Variants in BPIFB3 observed in about 807,000 individuals in gnomAD.
The protein encoded by BPIFB3 is BPI fold containing family B member 3.
A neutral mutation model predicts 53.1 loss-of-function variants in BPIFB3; 49 were observed. The observed-to-expected ratio is 0.92, with a 90% CI of 0.73 to 1.17. The LOEUF is 1.17. Ranked by LOEUF, BPIFB3 falls within the 50% of genes most tolerant of loss-of-function variation. The pLI, the probability that BPIFB3 is intolerant of heterozygous loss-of-function variation, is 0.00. For missense variants in BPIFB3, 628 were observed against 592.5 expected, an observed-to-expected ratio of 1.06 and a Z score of -0.62; for synonymous variants, 271 against 269.6, an observed-to-expected ratio of 1.01 and a Z score of -0.05.
intron 5 of BPIFB3, among the ~76,000 whole-genome samples, 178 bp downstream of exon 6, chr20:33,062,009 G>T (rs1980481075): frequency 6.6e-6 from 1 of 151,966 alleles, no homozygotes; most frequent in African/African-American, 2.4e-5. Context: ...CTAGTCTGGG[G>T]GTGGATGACA....
chr20:33,071,145 C>A, intron 11 of BPIFB3, 108 bp from the exon 13 acceptor site: 1 of 1,083,352 alleles, frequency 9.2e-7, no homozygotes, highest in Non-Finnish European at 1.3e-6. Context: ...GAGTGTTGGG[C>A]TGGTAATCCT....
chr20:33,056,839 C>T, intron 2 of BPIFB3, 141 bp downstream of exon 3: 1 of 1,060,570 alleles, frequency 9.4e-7, no homozygotes, highest in Non-Finnish European at 1.3e-6. Flanking sequence ...AAAATGATGA[C>T]TCTACTGCAT....
At position 33,065,601 on chromosome 20, in the gene BPIFB3, A is replaced by G. The variant is rs112523980; in HGVS notation, c.924+756A>G. Reference sequence around the variant, plus strand: ...AGAAAAGAAGGAAGGAAGGAAGGAAAGAAGGAAGGAAGGAAGGAAGGAAGA... The same window carrying G: ...AGAAAAGAAGGAAGGAAGGAAGGAAGGAAGGAAGGAAGGAAGGAAGGAAGA... On this transcript the variant is annotated intron_variant, in intron 8 of 14. Transcript: ENST00000375494. Among the ~76,000 whole-genome samples, 529 of 151,206 alleles carry G rather than the reference A, an allele frequency of 3.5e-3. 2 individuals carry two copies. The highest frequency in any genetic ancestry group is 0.011 in the African/African-American group (470 of 41,070).
At chr20:33,073,686 C>G, downstream of BPIFB3, 1 of 1,533,900 alleles carries the variant, frequency 6.5e-7, no homozygotes, top group South Asian at 1.2e-5. Context: ...CTCCCAGTCT[C>G]TAGCTGATGT....
Position 33,072,161 on chromosome 20 carries a change from CT to C in BPIFB3, c.1320del (p.Asn441ThrfsTer26). Reference sequence around the variant, plus strand: ...GGTCGGGGCAGTGTATGCACCAAAGCTTAACGGTATGGCAGGTTTTGCTCTC... The same window carrying C: ...GGTCGGGGCAGTGTATGCACCAAAGCTAACGGTATGGCAGGTTTTGCTCTC... On this transcript the variant is annotated frameshift_variant, in exon 13 of 15. Transcript: ENST00000375494. LOFTEE classifies it high-confidence loss of function. 6.2e-7 allele frequency: 1 copy of C among 1,614,180 alleles called. No individual in the cohort carries two copies. Among genetic ancestry groups the C allele is most frequent in the Non-Finnish European group, 8.5e-7 (1 of 1,180,040 alleles).
intron 2 of BPIFB3, among the ~76,000 whole-genome samples, chr20:33,058,754 G>C (rs1163159444): frequency 6.6e-6 from 1 of 152,014 alleles, no homozygotes; most frequent in African/African-American, 2.4e-5. Flanking sequence ...CCCAGGCAGG[G>C]TGGGATAGGC....
In BPIFB3 at chr20:33,073,574, A is replaced by G. The variant is rs761273733; in HGVS notation, c.1402-2A>G. On this transcript the variant is annotated splice_acceptor_variant, in intron 14 of 14. Transcript: ENST00000375494. LOFTEE classifies it high-confidence loss of function. ...GTAACCAAGAGCGGTTGTTCCTTACAGAATGCTGTTGTGCTGACCGTGGCA... is the reference window on the plus strand; with the variant it reads ...GTAACCAAGAGCGGTTGTTCCTTACGGAATGCTGTTGTGCTGACCGTGGCA... 1.2e-5 allele frequency: 20 copies of G among 1,614,098 alleles called. No homozygotes were observed. In the South Asian group the frequency reaches 2.1e-4, roughly 17 times the overall value.
exon 1 of BPIFB3, chr20:33,055,447 G>A: frequency 1.2e-6 from 2 of 1,613,680 alleles, no homozygotes; most frequent in Non-Finnish European, 8.5e-7. Context: ...TGCTGGCCCT[G>A]TGGTCCCTGC....
rs1343055212 is a variant in BPIFB3, at chr20:33,056,622, G to A, written c.205G>A (p.Gly69Ser). ...CACAGCTGTGAACCGGGGCCTCTTG[G>A]GCTCAGGAGGGCTGCTTGGAGGAGG... Residue 69 changes from glycine to serine, a missense_variant, in exon 2 of 15, where the codon GGC becomes AGC. Gly to Ser is a moderately conservative substitution (Grantham distance 56, BLOSUM62 0). Transcript: ENST00000375494. The A allele has an allele frequency of 3.1e-6, 5 of 1,613,694 alleles. No homozygotes were observed. In the South Asian group the frequency reaches 4.4e-5, roughly 14 times the overall value.
chr20:33,064,057 T>C (rs1980562304), intron 6 of BPIFB3, among the ~76,000 whole-genome samples: 1 of 152,182 alleles, frequency 6.6e-6, no homozygotes, highest in African/African-American at 2.4e-5. Flanking sequence ...GACCCCAGTC[T>C]CTCTGTGCCT....
chr20:33,059,895 C>T (rs777041746), exon 4 of BPIFB3: 17 of 1,613,744 alleles, frequency 1.1e-5, no homozygotes, highest in South Asian at 3.3e-5. Flanking sequence ...TTGCAGCCCC[C>T]TTGGTGGCCT....
At chr20:33,068,569 G>A (rs1183257514) in intron 9 of BPIFB3, among the ~76,000 whole-genome samples, 5 of 152,178 alleles carry the variant, frequency 3.3e-5, no homozygotes, top group Non-Finnish European at 7.4e-5. Context: ...TGGCCTCGGG[G>A]AGGATTCTGA....
At position 33,072,184 on chromosome 20, in the gene BPIFB3, T is replaced by C; in HGVS notation, c.1324+17T>C. 1 of 1,613,716 alleles carries C rather than the reference T, an allele frequency of 6.2e-7. No individual in the cohort carries two copies. The highest frequency in any genetic ancestry group is 1.1e-5 in the South Asian group (1 of 91,070). ...AGCTTAACGGTATGGCAGGTTTTGC[T>C]CTCTTGGACACATGGAGTGTCTGAA... is the stretch of plus-strand genomic sequence containing the variant. On this transcript the variant is annotated intron_variant, in intron 13 of 14. Coordinates refer to ENST00000375494, the Ensembl canonical transcript of BPIFB3.
At chr20:33,060,076 C>T (rs763609007) in intron 4 of BPIFB3, 45 bp downstream of exon 5, 3 of 1,594,166 alleles carry the variant, frequency 1.9e-6, no homozygotes, top group Non-Finnish European at 1.7e-6. Context: ...CGCTCAGGAT[C>T]ATCTCGCACC....
intron 2 of BPIFB3, among the ~76,000 whole-genome samples, chr20:33,059,140 G>A (rs143074981): frequency 3.9e-4 from 59 of 152,244 alleles, no homozygotes; most frequent in Non-Finnish European, 6.8e-4. Context: ...ACCGTACCAG[G>A]TTCTGCACTC....
At position 33,072,798 on chromosome 20, in the gene BPIFB3, G is replaced by A; in HGVS notation, c.1401+5G>A. The A allele has an allele frequency of 1.2e-6, 2 of 1,609,760 alleles. No individual in the cohort carries two copies. Among genetic ancestry groups the A allele is most frequent in the South Asian group, 1.1e-5 (1 of 91,008 alleles). Reference sequence around the variant, plus strand: ...TCAGTTCTGGAGATCGTAGAGGTGAGCCTTCTCTGCAGATACGGCCCAGGT... The same window carrying A: ...TCAGTTCTGGAGATCGTAGAGGTGAACCTTCTCTGCAGATACGGCCCAGGT... On this transcript the variant is annotated splice_donor_5th_base_variant and intron_variant, in intron 14 of 14. Transcript: ENST00000375494.
At chr20:33,071,850 T>C (rs1980910899) in intron 12 of BPIFB3, among the ~76,000 whole-genome samples, 1 of 152,178 alleles carries the variant, frequency 6.6e-6, no homozygotes, top group African/African-American at 2.4e-5. Flanking sequence ...CAGAGTCTTA[T>C]AGGAAGGCAC....
At chr20:33,057,916 T>C (rs1327200816) in intron 2 of BPIFB3, among the ~76,000 whole-genome samples, 1 of 152,200 alleles carries the variant, frequency 6.6e-6, no homozygotes, top group Non-Finnish European at 1.5e-5. Context: ...GGGTTTTCTG[T>C]GTGTCTAGCA....
intron 1 of BPIFB3, 49 bp from the exon 3 acceptor site, chr20:33,056,493 G>A (rs937850871): frequency 2.7e-5 from 44 of 1,606,370 alleles, no homozygotes; most frequent in Non-Finnish European, 3.2e-5. Context: ...ATGGTCCTGG[G>A]GGTGAGGTTG....
Sources: gnomAD v4.1 joint callset for allele counts (sites outside exome capture counted in the v4.1 genomes callset) on GRCh38, gnomAD v4.1.1 for gene constraint, MANE v1.5 for transcripts, NCBI Gene and HGNC (gene_info 2026-07-23, HGNC 2026-07-21) for gene names.